FTO: variants seen among roughly 807,000 people sequenced by gnomAD.
The protein encoded by FTO is alpha-ketoglutarate-dependent dioxygenase FTO.
Under a neutral mutation model 63.9 loss-of-function variants are expected in FTO, and 47 were observed. That is an observed-to-expected ratio of 0.74 (90% CI 0.58 to 0.94). FTO has a LOEUF of 0.94. Ranked by LOEUF, FTO falls within the 40% of genes least tolerant of loss-of-function variation. The probability of loss-of-function intolerance (pLI) is 0.00; values close to 1 mark genes in which losing one functional copy is unlikely to be tolerated. For missense variants in FTO, 562 were observed against 618.1 expected (o/e 0.91, Z 0.96); for synonymous variants, 207 against 224.4 (o/e 0.92, Z 0.69).
intron 7 of FTO, among the ~76,000 whole-genome samples, chr16:53,926,172 C>G (rs954459229): frequency 6.6e-6 from 1 of 152,164 alleles, no homozygotes; most frequent in Non-Finnish European, 1.5e-5. Context: ...CACGTCCATC[C>G]AAATGAGTAT....
chr16:53,997,439 G>T (rs1234649072), intron 8 of FTO, among the ~76,000 whole-genome samples: 1 of 152,026 alleles, frequency 6.6e-6, no homozygotes, highest in East Asian at 1.9e-4. Flanking sequence ...ATCAGATCAG[G>T]ACCACAAAAC....
intron 8 of FTO, chr16:54,039,752 C>T (rs1439144753): frequency 6.6e-6 from 1 of 152,254 alleles, no homozygotes; most frequent in Admixed American, 6.5e-5. Context: ...TCTTCAAGAA[C>T]TTCAGGGATC....
chr16:53,725,755 A>G (rs2151498490), intron 1 of FTO, among the ~76,000 whole-genome samples: 1 of 152,308 alleles, frequency 6.6e-6, no homozygotes, highest in East Asian at 1.9e-4. Context: ...GGTAGTGATC[A>G]GGAATTAAAG....
At chr16:53,885,783 G>A (rs1372242293) in intron 6 of FTO, among the ~76,000 whole-genome samples, 1 of 152,134 alleles carries the variant, frequency 6.6e-6, no homozygotes, top group Non-Finnish European at 1.5e-5. Flanking sequence ...TGGCCTCACT[G>A]TGTTGCCCAG....
At chr16:54,029,020 A>G (rs2084775237) in intron 8 of FTO, among the ~76,000 whole-genome samples, 1 of 152,212 alleles carries the variant, frequency 6.6e-6, no homozygotes, top group Non-Finnish European at 1.5e-5. Context: ...CTTAATTAGT[A>G]ATTGCTTGAC....
chr16:54,068,357 TCGC>T (rs1386529850), intron 8 of FTO, among the ~76,000 whole-genome samples: 12 of 152,288 alleles, frequency 7.9e-5, no homozygotes, highest in Admixed American at 7.8e-4. Flanking sequence ...AGCCCTGAGC[TCGC>T]CCAGCCTCTG....
intron 1 of FTO, among the ~76,000 whole-genome samples, chr16:53,718,436 T>C (rs982573733): frequency 6.6e-6 from 1 of 152,114 alleles, no homozygotes; most frequent in Non-Finnish European, 1.5e-5. Context: ...TTTCTGGATA[T>C]TTACGAGGTT....
rs1015376116 is a variant in FTO at position 53,718,702 on chromosome 16, AT to A, written c.45+14479del. Among the ~76,000 whole-genome samples the A allele has an allele frequency of 9.2e-5, 14 of 152,094 alleles. No homozygotes were observed. The East Asian group carries it at 1.7e-3, about 19-fold the overall frequency. ...TTGAATTTTATTGAATTTTAGGAAC[AT>A]TTTTTGGACATCTCTTTAGATGGTA... On this transcript the variant is annotated intron_variant, in intron 1 of 8. Transcript: ENST00000471389.
chr16:54,025,651 G>A (rs2084696361), intron 8 of FTO, among the ~76,000 whole-genome samples: 2 of 152,078 alleles, frequency 1.3e-5, no homozygotes. Flanking sequence ...TCAACTGGGA[G>A]GCAGGGGTTG....
At chr16:53,828,471 T>G in intron 3 of FTO, among the ~76,000 whole-genome samples, 1 of 152,142 alleles carries the variant, frequency 6.6e-6, no homozygotes, top group East Asian at 1.9e-4. Flanking sequence ...CCTCCCAAAG[T>G]GCTGGGATTA....
intron 7 of FTO, among the ~76,000 whole-genome samples, chr16:53,898,335 C>G (rs2081322068): frequency 6.6e-6 from 1 of 152,130 alleles, no homozygotes; most frequent in African/African-American, 2.4e-5. Context: ...TTACATGACT[C>G]TCTCCCTCAT....
chr16:54,054,111 C>T (rs1423737420), intron 8 of FTO, among the ~76,000 whole-genome samples: 1 of 152,042 alleles, frequency 6.6e-6, no homozygotes, highest in Non-Finnish European at 1.5e-5. Flanking sequence ...ATATTTAGCA[C>T]TGTGTAATGA....
intron 8 of FTO, among the ~76,000 whole-genome samples, chr16:54,029,185 T>C (rs1341128870): frequency 6.6e-6 from 1 of 152,184 alleles, no homozygotes; most frequent in Non-Finnish European, 1.5e-5. Context: ...GTGTATCCCA[T>C]ATGTTAGAAG....
chr16:54,028,648 C>T (rs193074163), intron 8 of FTO, among the ~76,000 whole-genome samples: 1 of 152,274 alleles, frequency 6.6e-6, no homozygotes, highest in Admixed American at 6.5e-5. Flanking sequence ...TATAGCATAT[C>T]TTGCACATTT....
chr16:53,841,563 C>T (rs2079477991), intron 3 of FTO, among the ~76,000 whole-genome samples: 1 of 152,128 alleles, frequency 6.6e-6, no homozygotes, highest in African/African-American at 2.4e-5. Flanking sequence ...ATGAACTTGG[C>T]TTTCTGATGT....
chr16:54,101,439 T>C (rs1007650534), intron 8 of FTO, among the ~76,000 whole-genome samples: 7 of 152,194 alleles, frequency 4.6e-5, no homozygotes, highest in Non-Finnish European at 1.0e-4. Context: ...CACGTTCCCA[T>C]AGAAGATACG....
chr16:53,834,444 A>T (rs965930713), intron 3 of FTO, among the ~76,000 whole-genome samples: 1 of 152,202 alleles, frequency 6.6e-6, no homozygotes, highest in African/African-American at 2.4e-5. Context: ...CATCATTCAT[A>T]TTGGTATTAA....
At chr16:53,957,111 A>G (rs527762858) in intron 8 of FTO, among the ~76,000 whole-genome samples, 1 of 152,260 alleles carries the variant, frequency 6.6e-6, no homozygotes, top group South Asian at 2.1e-4. Flanking sequence ...ATCTTTTTTC[A>G]ATTGAGGGCA....
intron 1 of FTO, among the ~76,000 whole-genome samples, chr16:53,800,166 T>C (rs1488607907): frequency 6.6e-6 from 1 of 152,120 alleles, no homozygotes; most frequent in Non-Finnish European, 1.5e-5. Flanking sequence ...TTTACTAGTT[T>C]AGGTGCATCC....
Sources: gnomAD v4.1 joint callset for allele counts (sites outside exome capture counted in the v4.1 genomes callset) on GRCh38, gnomAD v4.1.1 for gene constraint, MANE v1.5 for transcripts, NCBI Gene and HGNC (gene_info 2026-07-23, HGNC 2026-07-21) for gene names.